FNIP1: variants seen among roughly 807,000 people sequenced by gnomAD.
FNIP1 encodes the protein folliculin-interacting protein 1.
In FNIP1, 40 loss-of-function variants were observed where a neutral mutation model predicts 124.5. The observed-to-expected ratio is 0.32, with a 90% confidence interval of 0.25 to 0.42. The LOEUF (loss-of-function observed/expected upper bound fraction) is 0.42. FNIP1 is among the 10% of genes least tolerant of loss of function. The pLI is 1.00. For synonymous variants in FNIP1, 472 were observed against 470.6 expected, an observed-to-expected ratio of 1.00 and a Z score of -0.04; for missense variants, 1,176 against 1,403.7, an observed-to-expected ratio of 0.84 and a Z score of 2.59.
chr5:131,646,174 AAAT>A (rs1257620971), intron 17 of FNIP1, among the ~76,000 whole-genome samples: 2 of 152,208 alleles, frequency 1.3e-5, no homozygotes, highest in African/African-American at 4.8e-5. Flanking sequence ...ACTCAAGTCA[AAAT>A]CATCAAGTCT....
chr5:131,770,933 T>C (rs1298868740), intron 1 of FNIP1, among the ~76,000 whole-genome samples: 2 of 152,200 alleles, frequency 1.3e-5, no homozygotes, highest in Admixed American at 6.5e-5. Context: ...TACAAAGATA[T>C]AAATTCTTTT....
At chr5:131,751,864 G>C (rs1459554749) in intron 1 of FNIP1, among the ~76,000 whole-genome samples, 1 of 152,124 alleles carries the variant, frequency 6.6e-6, no homozygotes, top group Non-Finnish European at 1.5e-5. Context: ...AAATGTTCTG[G>C]AATTAGACAG....
intron 3 of FNIP1, among the ~76,000 whole-genome samples, chr5:131,720,029 A>G (rs1769604875): frequency 6.6e-6 from 1 of 152,234 alleles, no homozygotes; most frequent in East Asian, 1.9e-4. Context: ...TTCTTCTTCA[A>G]GAAGCAGCAG....
intron 7 of FNIP1, 40 bp downstream of exon 7, chr5:131,710,538 G>A (rs1221626679): frequency 1.3e-6 from 2 of 1,584,660 alleles, no homozygotes; most frequent in Non-Finnish European, 1.7e-6. Flanking sequence ...CTAGCCGTTG[G>A]GGCACACCAA....
chr5:131,653,396 G>A (rs762109139), intron 15 of FNIP1, among the ~76,000 whole-genome samples: 5 of 151,934 alleles, frequency 3.3e-5, no homozygotes, highest in Non-Finnish European at 7.4e-5. Context: ...AAAATTAGCC[G>A]GGCATGGTGG....
Position 131,796,963 on chromosome 5 carries a change from C to A in FNIP1, c.-42G>T. ...CAGGGGTCGCTCCGCTGGGCGCTTGCTAGGCCCCTGCTCCTACAGCCGCCC... is the reference window on the plus strand; with the variant it reads ...CAGGGGTCGCTCCGCTGGGCGCTTGATAGGCCCCTGCTCCTACAGCCGCCC... On this transcript the variant is annotated 5_prime_UTR_variant, in exon 1 of 18. Transcript: ENST00000510461. 1 of 1,542,472 alleles carries A rather than the reference C, an allele frequency of 6.5e-7. No homozygotes were observed. Among genetic ancestry groups the A allele is most frequent in the Non-Finnish European group, 8.8e-7 (1 of 1,136,170 alleles).
At chr5:131,776,415 C>G (rs1433680277) in intron 1 of FNIP1, among the ~76,000 whole-genome samples, 1 of 152,120 alleles carries the variant, frequency 6.6e-6, no homozygotes, top group Non-Finnish European at 1.5e-5. Context: ...CATCTGTCCA[C>G]CGAAAGACAT....
chr5:131,741,954 G>A (rs1168331767), intron 2 of FNIP1, among the ~76,000 whole-genome samples: 1 of 152,152 alleles, frequency 6.6e-6, no homozygotes, highest in African/African-American at 2.4e-5. Context: ...GAAGAGGGAG[G>A]ACTGCGTGAT....
intron 1 of FNIP1, among the ~76,000 whole-genome samples, chr5:131,747,362 C>T (rs567093477): frequency 6.6e-6 from 1 of 152,274 alleles, no homozygotes; most frequent in South Asian, 2.1e-4. Flanking sequence ...TGGTTTTCTT[C>T]TGTCTAATCT....
At chr5:131,657,900 G>T (rs1767255979) in intron 15 of FNIP1, among the ~76,000 whole-genome samples, 1 of 151,960 alleles carries the variant, frequency 6.6e-6, no homozygotes, top group Non-Finnish European at 1.5e-5. Context: ...AATTAGCCGG[G>T]TGTGGCAGTG....
intron 1 of FNIP1, among the ~76,000 whole-genome samples, chr5:131,789,761 ATCCCTGGCTTT>A (rs572461397): frequency 1.7e-3 from 260 of 152,292 alleles, no homozygotes; most frequent in Non-Finnish European, 3.0e-3. Flanking sequence ...AACACCACAC[ATCCCTGGCTTT>A]TCCCTATCTA....
rs74291366 is a variant in FNIP1, at chr5:131,696,101, T to C, written c.1202+2816A>G. Reference sequence around the variant, plus strand: ...TGTCATCTCAAGCAAATAATCCTGATGTTAAAATTATTTCCATCTTACATT... The same window carrying C: ...TGTCATCTCAAGCAAATAATCCTGACGTTAAAATTATTTCCATCTTACATT... On this transcript the variant is annotated intron_variant, in intron 11 of 17. Coordinates refer to ENST00000510461, the MANE Select transcript of FNIP1 (RefSeq NM_133372.3). Among the ~76,000 whole-genome samples, 78 of 152,364 alleles carry C rather than the reference T, an allele frequency of 5.1e-4. No individual in the cohort carries two copies. The East Asian group carries it at 0.014, about 28-fold the overall frequency.
intron 1 of FNIP1, among the ~76,000 whole-genome samples, chr5:131,783,639 T>A (rs1046321748): frequency 3.3e-5 from 5 of 151,272 alleles, no homozygotes; most frequent in African/African-American, 1.2e-4. Flanking sequence ...ATAAACAAAA[T>A]CATGAGGTAC....
chr5:131,796,250 G>A (rs1224003112), intron 1 of FNIP1: 1 of 152,498 alleles, frequency 6.6e-6, no homozygotes, highest in African/African-American at 2.4e-5. Context: ...TAACATTAAG[G>A]TCGCTCGGTC....
At chr5:131,766,066 T>C (rs964511184) in intron 1 of FNIP1, among the ~76,000 whole-genome samples, 2 of 152,152 alleles carry the variant, frequency 1.3e-5, no homozygotes, top group African/African-American at 4.8e-5. Flanking sequence ...AGTCTGCAGA[T>C]TAATATTCCC....
chr5:131,767,203 G>A (rs1173429204), intron 1 of FNIP1, among the ~76,000 whole-genome samples: 1 of 151,930 alleles, frequency 6.6e-6, no homozygotes, highest in African/African-American at 2.4e-5. Context: ...GGAGGCCGAG[G>A]TGGGCAGATC....
intron 15 of FNIP1, among the ~76,000 whole-genome samples, chr5:131,669,605 G>A (rs902079196): frequency 1.3e-5 from 2 of 151,936 alleles, no homozygotes; most frequent in African/African-American, 4.8e-5. Context: ...AATAGACATT[G>A]AGAAAAAGCA....
At chr5:131,693,279 G>T (rs1768544616) in intron 11 of FNIP1, among the ~76,000 whole-genome samples, 1 of 106,074 alleles carries the variant, frequency 9.4e-6, no homozygotes, top group Non-Finnish European at 1.9e-5. Context: ...AAAAAGCATG[G>T]TAATAGCTAA....
chr5:131,737,621 A>G (rs1014737637), intron 2 of FNIP1, among the ~76,000 whole-genome samples: 15 of 152,158 alleles, frequency 9.9e-5, no homozygotes, highest in African/African-American at 3.6e-4. Context: ...GTCATCCTTT[A>G]ACCTCTTTAT....
Sources: allele counts gnomAD v4.1 joint callset (sites outside exome capture counted in the v4.1 genomes callset), GRCh38; gene constraint gnomAD v4.1.1; transcripts MANE v1.5; gene names NCBI Gene and HGNC (gene_info 2026-07-23, HGNC 2026-07-21).